The following TRPM2 variants were observed in gnomAD, a reference collection of about 807,000 sequenced individuals.
The protein encoded by TRPM2 is estrogen-responsive element-associated gene 1 protein.
Under a neutral mutation model 174.0 loss-of-function variants are expected in TRPM2, and 161 were observed. That is an observed-to-expected ratio of 0.93 (90% CI 0.81 to 1.05). TRPM2 has a LOEUF of 1.05. Ranked by LOEUF, TRPM2 falls within the 50% of genes least tolerant of loss-of-function variation. The probability of loss-of-function intolerance (pLI) is 0.00; values close to 1 mark genes in which losing one functional copy is unlikely to be tolerated. For synonymous variants in TRPM2, 954 were observed against 861.3 expected, an observed-to-expected ratio of 1.11 and a Z score of -1.88; for missense variants, 2,057 against 2,038.0, an observed-to-expected ratio of 1.01 and a Z score of -0.18.
At chr21:44,403,541 T>C (rs951349991) in intron 16 of TRPM2, among the ~76,000 whole-genome samples, 16 of 148,170 alleles carry the variant, frequency 1.1e-4, no homozygotes, top group Admixed American at 4.0e-4. Flanking sequence ...CACACACACA[T>C]AGGCACACAC....
At chr21:44,351,553 G>C (rs2122997075), upstream of TRPM2, among the ~76,000 whole-genome samples, 3 of 152,224 alleles carry the variant, frequency 2.0e-5, no homozygotes, top group African/African-American at 7.2e-5. Flanking sequence ...TGTGAACCAG[G>C]GTGGCCCAAG....
rs150550229 is a variant in TRPM2 at position 44,413,994 on chromosome 21, G to C, written c.3066G>C (p.Glu1022Asp). ...CGCAGCAGAGGCCGGCCTTCCCTGA[G>C]TGGCTGACGGTCCTCCTACTCTGCC... ...DATQQRPAFP[E>D]WLTVLLLCLY... The change falls in exon 20 of 32, where the codon GAG (glutamate) becomes GAC (aspartate). Residue 1022 changes from glutamate to aspartate, a missense_variant. Coordinates refer to ENST00000397928, the MANE Select transcript of TRPM2 (RefSeq NM_003307.4). 4.6e-5 allele frequency: 74 copies of C among 1,613,886 alleles called. No individual in the cohort carries two copies. The African/African-American group carries it at 8.8e-4, about 19-fold the overall frequency.
chr21:44,419,377 C>T (rs907435335), intron 22 of TRPM2, among the ~76,000 whole-genome samples: 27 of 152,010 alleles, frequency 1.8e-4, no homozygotes, highest in Admixed American at 1.3e-3. Flanking sequence ...GATGGAGACA[C>T]GATAGTCCCT....
At chr21:44,434,278 G>A (rs959574718) in intron 27 of TRPM2, among the ~76,000 whole-genome samples, 43 of 152,124 alleles carry the variant, frequency 2.8e-4, no homozygotes, top group Non-Finnish European at 5.0e-4. Context: ...CGGGGACTGT[G>A]GCAGAGACGC....
At chr21:44,412,964 T>C (rs11702143) in intron 19 of TRPM2, among the ~76,000 whole-genome samples, 99 of 152,130 alleles carry the variant, frequency 6.5e-4, no homozygotes, top group Non-Finnish European at 1.1e-3. Context: ...TCAAGATAAG[T>C]ATAAGGAAAG....
At chr21:44,389,829 T>C (rs1232041433) in intron 9 of TRPM2, among the ~76,000 whole-genome samples, 1 of 152,154 alleles carries the variant, frequency 6.6e-6, no homozygotes, top group Non-Finnish European at 1.5e-5. Flanking sequence ...GTAGTTTCCT[T>C]TCATATTTTC....
intron 22 of TRPM2, among the ~76,000 whole-genome samples, chr21:44,419,817 G>T (rs1601218241): frequency 2.0e-5 from 3 of 148,606 alleles, no homozygotes. Context: ...TGTTGGCAGT[G>T]GTGGTGGTGG....
chr21:44,382,855 A>C, intron 9 of TRPM2, 35 bp downstream of exon 9: 1 of 1,583,096 alleles, frequency 6.3e-7, no homozygotes, highest in South Asian at 1.1e-5. Context: ...AATGGGGTGG[A>C]GGCCAGAACG....
At chr21:44,425,021 T>G in intron 24 of TRPM2, 82 bp downstream of exon 24, 11 of 1,182,084 alleles carry the variant, frequency 9.3e-6, no homozygotes, top group Non-Finnish European at 1.3e-5. Context: ...GAGAGGCAGC[T>G]GGGGGTGGGG....
intron 5 of TRPM2, among the ~76,000 whole-genome samples, chr21:44,370,233 G>C (rs553713485): frequency 1.3e-5 from 2 of 152,260 alleles, no homozygotes; most frequent in Non-Finnish European, 2.9e-5. Context: ...GGCTGAGCCA[G>C]GGCGATCCGA....
intron 30 of TRPM2, among the ~76,000 whole-genome samples, chr21:44,440,146 G>A (rs2051441322): frequency 6.6e-6 from 1 of 151,124 alleles, no homozygotes; most frequent in Non-Finnish European, 1.5e-5. Context: ...AGACCAGCCT[G>A]GCCAACATGG....
At chr21:44,370,930 C>T (rs1053712008) in intron 5 of TRPM2, among the ~76,000 whole-genome samples, 2 of 152,180 alleles carry the variant, frequency 1.3e-5, no homozygotes, top group African/African-American at 4.8e-5. Flanking sequence ...CTCAGCCACG[C>T]TCCCTCTCTG....
upstream of TRPM2, chr21:44,353,510 A>C: frequency 1.4e-6 from 1 of 736,274 alleles, no homozygotes; most frequent in Non-Finnish European, 2.0e-6. Flanking sequence ...AGGCTGATGA[A>C]GAGAACCGGA....
In TRPM2 at chr21:44,366,899, T is replaced by C; in HGVS notation, c.569T>C (p.Phe190Ser). The C allele has an allele frequency of 6.2e-7, 1 of 1,609,870 alleles. No individual in the cohort carries two copies. Among genetic ancestry groups the C allele is most frequent in the East Asian group, 2.2e-5 (1 of 44,796 alleles). ...FNMKPRLKSI[F>S]RRGLVKVAQT... ...ATGAAGCCGCGGCTGAAGAGCATTT[T>C]CCGCAGAGGCCTGGTCAAGGTGGCT... Residue 190 changes from phenylalanine (F) to serine (S), a missense_variant, in exon 4 of 32, where the codon TTC becomes TCC. Physicochemically the swap from Phe to Ser is radical, Grantham distance 155. Transcript: ENST00000397928. The surrounding 1 kb of genome is among the most constrained non-coding windows in gnomAD (Gnocchi z 6.0).
Position 44,406,016 on chromosome 21 carries a change from GATC to G in TRPM2, c.2775_2777del (p.Ile926del). On this transcript the variant is annotated inframe_deletion, in exon 18 of 32. Coordinates refer to ENST00000397928, the MANE Select transcript of TRPM2 (RefSeq NM_003307.4). ...CCATCAGTAAGACGCTGGGGCCCAA[GATC>G]ATCATTGTGAAGCGGATGGTAAGGG... is the stretch of plus-strand genomic sequence containing the variant. The G allele has an allele frequency of 3.7e-6, 6 of 1,607,646 alleles. No individual in the cohort carries two copies. In the South Asian group the frequency reaches 6.6e-5, roughly 18 times the overall value.
At chr21:44,437,434 G>A (rs1334021251) in intron 29 of TRPM2, among the ~76,000 whole-genome samples, 2 of 152,196 alleles carry the variant, frequency 1.3e-5, no homozygotes, top group Admixed American at 6.5e-5. Flanking sequence ...GGCATGGGCT[G>A]GGCTGCGGCT....
rs2048296922 is a variant in TRPM2, at chr21:44,364,283, GT to G, written c.423+3del. 1.2e-6 allele frequency: 2 copies of G among 1,614,048 alleles called. No individual in the cohort carries two copies. The highest frequency in any genetic ancestry group is 1.7e-6 in the Non-Finnish European group (2 of 1,179,948). On this transcript the variant is annotated splice_donor_variant, in intron 3 of 31. Transcript: ENST00000397928. LOFTEE classifies it high-confidence loss of function. The stretch of plus-strand genomic sequence containing the variant: ...GGGCCTGAGCCAGAAGGTGAAAAAG[GT>G]TGGTTTCCATCACTCTCGCTCTGAA...
chr21:44,402,490 G>A (rs1165891532), intron 16 of TRPM2, among the ~76,000 whole-genome samples: 3 of 152,114 alleles, frequency 2.0e-5, no homozygotes, highest in Non-Finnish European at 4.4e-5. Flanking sequence ...GAGGCTCGCG[G>A]GCCTTGGTGT....
chr21:44,366,828 C>T lies in TRPM2; in HGVS notation c.498C>T (p.Val166=). The change falls in exon 4 of 32, where the codon GTC becomes GTT. Residue 166 remains valine, a synonymous_variant. Transcript: ENST00000397928. This position sits in a 1 kb window ranked among gnomAD's most constrained non-coding sequence, Gnocchi z 6.0. ...HLMTQHWGLD[V]PNLLISVTGG... ...TGACCCAGCACTGGGGGCTGGACGT[C>T]CCCAATCTCTTGATCTCGGTGACCG... The T allele has an allele frequency of 6.2e-7, 1 of 1,614,014 alleles. No individual in the cohort carries two copies. Among genetic ancestry groups the T allele is most frequent in the Non-Finnish European group, 8.5e-7 (1 of 1,179,990 alleles).
Sources: allele counts gnomAD v4.1 joint callset (sites outside exome capture counted in the v4.1 genomes callset), GRCh38; gene constraint gnomAD v4.1.1; non-coding constraint Gnocchi (gnomAD v3.1); transcripts MANE v1.5; gene names NCBI Gene and HGNC (gene_info 2026-07-23, HGNC 2026-07-21).